Variants in NFKBIZ observed in about 807,000 individuals in gnomAD.
NFKBIZ encodes NF-kappa-B inhibitor zeta.
Under a neutral mutation model 76.8 loss-of-function variants are expected in NFKBIZ, and 19 were observed. The ratio of observed to expected loss-of-function variants is 0.25; its 90% CI spans 0.17 to 0.36. NFKBIZ has a LOEUF of 0.36. NFKBIZ is among the 10% of genes least tolerant of loss of function. The pLI, the probability that NFKBIZ is intolerant of heterozygous loss-of-function variation, is 1.00. For synonymous variants in NFKBIZ, 368 were observed against 354.8 expected, an observed-to-expected ratio of 1.04 and a Z score of -0.42; for missense variants, 829 against 910.9, an observed-to-expected ratio of 0.91 and a Z score of 1.16.
At chr3:101,846,469 A>G (rs1942854001), upstream of NFKBIZ, among the ~76,000 whole-genome samples, 1 of 152,150 alleles carries the variant, frequency 6.6e-6, no homozygotes, top group African/African-American at 2.4e-5. Context: ...AAACAGTACT[A>G]TTGCTTTGGC....
At chr3:101,845,294 C>CT (rs759102672), upstream of NFKBIZ, among the ~76,000 whole-genome samples, 3,625 of 131,194 alleles carry the variant, frequency 0.028, 61 homozygotes, top group African/African-American at 0.039. Context: ...AATCCAATTC[C>CT]TTTTTTTTTT....
chr3:101,860,183 T>TC lies in NFKBIZ; in HGVS notation c.*812_*813insC, dbSNP rs1943112358. Reference sequence around the variant, plus strand: ...ATTATTTGTAGGGAATTGCATGCTTTTTTTTTTTTTTCTCCCGAGACAGGG... The same window carrying TC: ...ATTATTTGTAGGGAATTGCATGCTTTCTTTTTTTTTTTCTCCCGAGACAGGG... On this transcript the variant is annotated 3_prime_UTR_variant, in exon 12 of 12. Transcript: ENST00000326172. 1 of 151,664 alleles carries TC rather than the reference T, an allele frequency of 6.6e-6. No homozygotes were observed. The highest frequency in any genetic ancestry group is 1.5e-5 in the Non-Finnish European group (1 of 67,840). The allele number at this position is 151,664 out of a possible 1,614,324, so 9.4% of individuals were successfully genotyped here.
At chr3:101,848,610 T>C (rs574663381), upstream of NFKBIZ, among the ~76,000 whole-genome samples, 10 of 152,328 alleles carry the variant, frequency 6.6e-5, no homozygotes, top group Middle Eastern at 3.4e-3. Flanking sequence ...CTTGAACAAA[T>C]AGTTGTATAA....
intron 1 of NFKBIZ, among the ~76,000 whole-genome samples, chr3:101,829,128 G>T (rs1002295427): frequency 6.6e-6 from 1 of 152,118 alleles, no homozygotes; most frequent in Non-Finnish European, 1.5e-5. Context: ...TATTTATTTG[G>T]CCTCAGAATA....
At chr3:101,857,852 A>T (rs1393304510) in intron 11 of NFKBIZ, 2 of 949,524 alleles carry the variant, frequency 2.1e-6, no homozygotes, top group African/African-American at 3.5e-5. Flanking sequence ...TTACATGTGG[A>T]GTGCTCACAA....
chr3:101,835,592 C>T (rs774479707), intron 2 of NFKBIZ, among the ~76,000 whole-genome samples: 7 of 152,132 alleles, frequency 4.6e-5, no homozygotes, highest in African/African-American at 1.2e-4. Context: ...TCACATGTGG[C>T]GTTTTCTCTG....
upstream of NFKBIZ, among the ~76,000 whole-genome samples, chr3:101,844,885 C>G (rs1332514869): frequency 1.3e-5 from 2 of 152,184 alleles, no homozygotes; most frequent in Non-Finnish European, 2.9e-5. Flanking sequence ...ATAACTTATC[C>G]TGTAAGATAC....
intron 6 of NFKBIZ, 74 bp from the exon 7 acceptor site, chr3:101,854,988 T>C (rs1943027784): frequency 6.9e-7 from 1 of 1,455,182 alleles, no homozygotes; most frequent in Non-Finnish European, 9.3e-7. Context: ...CCCTCAGTCA[T>C]AGTTTAGTTT....
rs766816366 is a variant in NFKBIZ at position 101,857,329 on chromosome 3, G to A, written c.1973G>A (p.Ser658Asn). The change falls in exon 11 of 12, where the codon AGC becomes AAC. Residue 658 changes from serine to asparagine, a missense_variant. Ser to Asn is a conservative substitution (Grantham distance 46, BLOSUM62 1). Transcript: ENST00000326172. ...AACACTGCCCTCCATGTTGCTGCCA[G>A]CTTGCAGTATCGGTTGACACAATTA... ...NGNTALHVAA[S>N]LQYRLTQLDA... 3.1e-6 allele frequency: 5 copies of A among 1,614,082 alleles called. No homozygotes were observed. The highest frequency in any genetic ancestry group is 1.3e-5 in the African/African-American group (1 of 74,914).
chr3:101,838,713 T>C (rs1015029713), intron 2 of NFKBIZ, among the ~76,000 whole-genome samples: 5 of 152,238 alleles, frequency 3.3e-5, no homozygotes, highest in African/African-American at 1.2e-4. Flanking sequence ...TAAATAATTG[T>C]CATCAACTTT....
chr3:101,855,338 T>G, intron 7 of NFKBIZ, 57 bp from the exon 8 acceptor site: 2 of 1,607,514 alleles, frequency 1.2e-6, no homozygotes, highest in Non-Finnish European at 1.7e-6. Context: ...TTGGGGATTC[T>G]AATAGGTATA....
chr3:101,830,846 T>C (rs1942638043), intron 2 of NFKBIZ, among the ~76,000 whole-genome samples: 1 of 152,218 alleles, frequency 6.6e-6, no homozygotes. Flanking sequence ...TGGTGAATTC[T>C]GTCATGGTTA....
intron 1 of NFKBIZ, 100 bp from the exon 2 acceptor site, chr3:101,851,985 G>T: frequency 7.1e-7 from 1 of 1,417,574 alleles, no homozygotes. Flanking sequence ...TGCTGCTTGG[G>T]GACTTTATAC....
chr3:101,847,854 C>T (rs1305114841), upstream of NFKBIZ, among the ~76,000 whole-genome samples: 1 of 152,216 alleles, frequency 6.6e-6, no homozygotes, highest in East Asian at 1.9e-4. Flanking sequence ...CCAAACTCAT[C>T]GTGTCCCCCC....
At chr3:101,837,501 AAAAAAAAGAAAAG>A (rs1375465969) in intron 2 of NFKBIZ, among the ~76,000 whole-genome samples, 3 of 151,734 alleles carry the variant, frequency 2.0e-5, no homozygotes, top group Admixed American at 6.6e-5. Context: ...CAAAAAAAAA[AAAAAAAAGAAAAG>A]AAAAAAGAAA....
In NFKBIZ at chr3:101,859,739, T is replaced by G. The variant is rs935882260; in HGVS notation, c.*368T>G. Reference sequence around the variant, plus strand: ...AGCAGGTAAATTGTAAATGTTTCTTTAAGAAAAAGCATGTGAAAGGAAAAA... The same window carrying G: ...AGCAGGTAAATTGTAAATGTTTCTTGAAGAAAAAGCATGTGAAAGGAAAAA... On this transcript the variant is annotated 3_prime_UTR_variant, in exon 12 of 12. Coordinates refer to ENST00000326172, the MANE Select transcript of NFKBIZ (RefSeq NM_031419.4). 7 of 169,154 alleles carry G rather than the reference T, an allele frequency of 4.1e-5. No individual in the cohort carries two copies. Among genetic ancestry groups the G allele is most frequent in the Non-Finnish European group, 6.5e-5 (5 of 77,242 alleles). The allele number at this position is 169,154 out of a possible 1,614,324, so 10.5% of individuals were successfully genotyped here.
chr3:101,830,851 T>C (rs530270024), intron 2 of NFKBIZ, among the ~76,000 whole-genome samples: 2 of 152,192 alleles, frequency 1.3e-5, no homozygotes, highest in Non-Finnish European at 2.9e-5. Context: ...AATTCTGTCA[T>C]GGTTATATTA....
Position 101,849,881 on chromosome 3 carries a change from C to G in NFKBIZ, c.253C>G (p.Arg85Gly), listed in dbSNP as rs1942922616. 11 of 1,448,198 alleles carry G rather than the reference C, an allele frequency of 7.6e-6. No homozygotes were observed. The highest frequency in any genetic ancestry group is 9.9e-6 in the Non-Finnish European group (11 of 1,108,020). The allele number at this position is 1,448,198 out of a possible 1,614,324, so 89.7% of individuals were successfully genotyped here. The part of the protein sequence containing the change: ...SVSSCGAVES[R>G]SRGGARAERQ... ...GTCCTCCTGCGGCGCCGTGGAGTCC[C>G]GGTCGAGAGGCGGCGCCCGCGCCGA... is the stretch of plus-strand genomic sequence containing the variant. Residue 85 changes from arginine (R) to glycine (G), a missense_variant, in exon 1 of 12, where the codon CGG (arginine) becomes GGG (glycine). This residue lies in a region of NFKBIZ where 181 missense variants were observed against 175.3 expected (regional missense o/e 1.03). Coordinates refer to ENST00000326172, the MANE Select transcript of NFKBIZ (RefSeq NM_031419.4).
chr3:101,856,868 G>C, intron 9 of NFKBIZ: 1 of 501,844 alleles, frequency 2.0e-6, no homozygotes, highest in Non-Finnish European at 3.5e-6. Flanking sequence ...GTGACAAGAG[G>C]CATATAGACA....
Sources: gnomAD v4.1 joint callset for allele counts (sites outside exome capture counted in the v4.1 genomes callset) on GRCh38, gnomAD v4.1.1 for gene constraint, gnomAD v4.1.1 regional missense constraint, MANE v1.5 for transcripts, NCBI Gene and HGNC (gene_info 2026-07-23, HGNC 2026-07-21) for gene names.